The following DNAH11 variants were observed in gnomAD, a reference collection of about 807,000 sequenced individuals.
DNAH11 encodes axonemal beta dynein heavy chain 11.
A neutral mutation model predicts 526.0 loss-of-function variants in DNAH11; 442 were observed. That is an observed-to-expected ratio of 0.84 (90% CI 0.78 to 0.91). The LOEUF (loss-of-function observed/expected upper bound fraction) is 0.91, where lower values mean the gene tolerates loss of function less well. Among genes scored for constraint, DNAH11 ranks in the 40% least tolerant of loss-of-function variants. DNAH11 has a pLI of 0.00. For missense variants in DNAH11, 6,989 were observed against 5,448.7 expected (o/e 1.28, Z -8.90); for synonymous variants, 2,461 against 1,935.9 (o/e 1.27, Z -7.12).
At chr7:21,871,656 G>A (rs77384485) in intron 73 of DNAH11, among the ~76,000 whole-genome samples, 1 of 152,060 alleles carries the variant, frequency 6.6e-6, no homozygotes, top group South Asian at 2.1e-4. Flanking sequence ...TGAGAAATAC[G>A]CTTTCCTTAT....
At chr7:21,672,161 C>T (rs1447790147) in intron 30 of DNAH11, among the ~76,000 whole-genome samples, 8 of 152,226 alleles carry the variant, frequency 5.3e-5, no homozygotes, top group African/African-American at 1.9e-4. Flanking sequence ...TGTTATGAAA[C>T]AAGAGGAACT....
intron 65 of DNAH11, among the ~76,000 whole-genome samples, chr7:21,838,716 C>T (rs1423686773): frequency 6.7e-6 from 1 of 148,878 alleles, no homozygotes; most frequent in African/African-American, 2.5e-5. Flanking sequence ...GATTTTTAAA[C>T]TATTTATTTA....
intron 1 of DNAH11, chr7:21,543,921 A>G (rs958263533): frequency 8.1e-6 from 3 of 369,350 alleles, no homozygotes; most frequent in African/African-American, 2.1e-5. Flanking sequence ...TTCTGTGCCA[A>G]AAAACTTGCG....
Position 21,600,083 on chromosome 7 carries a change from C to A in DNAH11, c.2964C>A (p.Asn988Lys). 2 of 1,575,780 alleles carry A rather than the reference C, an allele frequency of 1.3e-6. No homozygotes were observed. The highest frequency in any genetic ancestry group is 4.5e-5 in the East Asian group (2 of 44,246). The change falls in exon 15 of 82, where the codon AAC becomes AAA. Residue 988 changes from asparagine to lysine, a missense_variant. Asn to Lys is a moderately conservative substitution (Grantham distance 94). Coordinates refer to ENST00000409508, the MANE Select transcript of DNAH11 (RefSeq NM_001277115.2). ...CNSFRMSAQMNRIATHLEIKN... is the reference protein window; with the variant it reads ...CNSFRMSAQMKRIATHLEIKN... The stretch of plus-strand genomic sequence containing the variant: ...GTTTTAGAATGTCTGCCCAGATGAA[C>A]CGAATAGCAACACACCTGGAAATTA...
intron 40 of DNAH11, among the ~76,000 whole-genome samples, chr7:21,710,092 A>G (rs1784405778): frequency 6.6e-6 from 1 of 152,228 alleles, no homozygotes; most frequent in South Asian, 2.1e-4. Context: ...TAAGAGATGT[A>G]TGGTGCTTCT....
chr7:21,636,953 G>T (rs1295139046), intron 26 of DNAH11, among the ~76,000 whole-genome samples: 1 of 152,096 alleles, frequency 6.6e-6, no homozygotes, highest in Non-Finnish European at 1.5e-5. Flanking sequence ...AAAGCACGTG[G>T]CATGGTGCAT....
At chr7:21,823,343 C>G (rs980985572) in intron 65 of DNAH11, among the ~76,000 whole-genome samples, 11 of 151,990 alleles carry the variant, frequency 7.2e-5, no homozygotes, top group African/African-American at 2.4e-4. Context: ...TTTTTCATAC[C>G]TGCAGTTTCC....
chr7:21,670,868 G>C (rs913685214), intron 30 of DNAH11, among the ~76,000 whole-genome samples: 9 of 86,230 alleles, frequency 1.0e-4, no homozygotes, highest in Non-Finnish European at 1.6e-4. Flanking sequence ...AAGTGTGTAC[G>C]TGTGTGTGTG....
At chr7:21,877,753 T>G (rs1454622843) in intron 74 of DNAH11, among the ~76,000 whole-genome samples, 2 of 151,544 alleles carry the variant, frequency 1.3e-5, no homozygotes, top group East Asian at 3.9e-4. Flanking sequence ...TGGGCGCCTG[T>G]AGTCCCAGCT....
intron 79 of DNAH11, among the ~76,000 whole-genome samples, chr7:21,898,153 G>A (rs1262127841): frequency 6.6e-6 from 1 of 152,140 alleles, no homozygotes; most frequent in African/African-American, 2.4e-5. Flanking sequence ...CAAATTGTCT[G>A]CAGTGTTTAT....
intron 28 of DNAH11, among the ~76,000 whole-genome samples, chr7:21,644,914 C>T (rs1016296860): frequency 1.3e-5 from 2 of 152,148 alleles, no homozygotes; most frequent in African/African-American, 4.8e-5. Flanking sequence ...TGGAGATTAT[C>T]CTTGATTATC....
intron 62 of DNAH11, among the ~76,000 whole-genome samples, chr7:21,806,308 A>G (rs1381386944): frequency 6.6e-6 from 1 of 152,240 alleles, no homozygotes; most frequent in Non-Finnish European, 1.5e-5. Context: ...AACAACAAAG[A>G]TAGAGGGTAG....
intron 69 of DNAH11, among the ~76,000 whole-genome samples, chr7:21,862,668 A>G (rs1783110128): frequency 6.6e-6 from 1 of 152,226 alleles, no homozygotes; most frequent in South Asian, 2.1e-4. Flanking sequence ...AATTAAGAAA[A>G]TGACAGCAGT....
chr7:21,653,379 G>A lies in DNAH11; in HGVS notation c.4945-2453G>A, dbSNP rs147879050. 2.4e-3 allele frequency among the ~76,000 whole-genome samples: 360 copies of A among 152,246 alleles called. 4 individuals carry two copies. The highest frequency in any genetic ancestry group is 4.6e-3 in the Admixed American group (71 of 15,294). ...AGAAGACAGTATGAAAACATCTAAC[G>A]TCAACTATGCCATGTATAAGAAATA... On this transcript the variant is annotated intron_variant, in intron 28 of 81. Transcript: ENST00000409508.
At chr7:21,865,672 G>A (rs911890715) in intron 70 of DNAH11, among the ~76,000 whole-genome samples, 3 of 152,062 alleles carry the variant, frequency 2.0e-5, no homozygotes, top group African/African-American at 7.2e-5. Context: ...TCCAGAAAGG[G>A]GTCCTGATCC....
intron 76 of DNAH11, among the ~76,000 whole-genome samples, chr7:21,891,987 CAG>C (rs1436328200): frequency 2.0e-5 from 3 of 152,154 alleles, no homozygotes; most frequent in South Asian, 2.1e-4. Flanking sequence ...GTACAGGCTA[CAG>C]AGTCCTACTA....
At chr7:21,816,771 C>A (rs1583729854) in intron 64 of DNAH11, 69 bp downstream of exon 64, 1 of 1,336,990 alleles carries the variant, frequency 7.5e-7, no homozygotes, top group Non-Finnish European at 1.1e-6. Context: ...TTTATAAAGG[C>A]GTGATGTTTC....
At position 21,588,078 on chromosome 7, in the gene DNAH11, T is replaced by G. The variant is rs1445462195; in HGVS notation, c.1725T>G (p.Phe575Leu). 1.2e-6 allele frequency: 2 copies of G among 1,613,072 alleles called. No individual in the cohort carries two copies. Among genetic ancestry groups the G allele is most frequent in the Non-Finnish European group, 1.7e-6 (2 of 1,179,628 alleles). Residue 575 changes from phenylalanine to leucine, a missense_variant, in exon 10 of 82, where the codon TTT becomes TTG. Physicochemically the swap from Phe to Leu is conservative, Grantham distance 22. Coordinates refer to ENST00000409508, the MANE Select transcript of DNAH11 (RefSeq NM_001277115.2). Reference sequence around the variant, plus strand: ...GATTTTTATAGCTTTTGACCATATTTGGAAATTTTCTAGAGAAGCCAGTTG... The same window carrying G: ...GATTTTTATAGCTTTTGACCATATTGGGAAATTTTCTAGAGAAGCCAGTTG... ...LEAAFKLLTI[F>L]GNFLEKPVVM...
chr7:21,843,599 G>A (rs1165811662), intron 66 of DNAH11, among the ~76,000 whole-genome samples: 2 of 151,368 alleles, frequency 1.3e-5, no homozygotes, highest in Non-Finnish European at 2.9e-5. Context: ...TTCTGCCTCA[G>A]CTTCCCGAGT....
Sources: allele counts gnomAD v4.1 joint callset (sites outside exome capture counted in the v4.1 genomes callset), GRCh38; gene constraint gnomAD v4.1.1; transcripts MANE v1.5; gene names NCBI Gene and HGNC (gene_info 2026-07-23, HGNC 2026-07-21).